The following LMF1 variants were observed in gnomAD, a reference collection of about 807,000 sequenced individuals.
LMF1 encodes the protein lipase maturation factor 1, also known as transmembrane protein 112.
Under a neutral mutation model 60.6 loss-of-function variants are expected in LMF1, and 68 were observed. That is an observed-to-expected ratio of 1.12 (90% CI 0.92 to 1.37). The LOEUF is 1.37. Ranked by LOEUF, LMF1 falls within the 40% of genes most tolerant of loss-of-function variation. The pLI, the probability that LMF1 is intolerant of heterozygous loss-of-function variation, is 0.00. For synonymous variants in LMF1, 418 were observed against 324.7 expected (o/e 1.29, Z -3.09); for missense variants, 948 against 767.2 (o/e 1.24, Z -2.78).
chr16:871,442 C>T (rs2069790841), intron 6 of LMF1, 101 bp from the exon 7 acceptor site: 1 of 1,192,128 alleles, frequency 8.4e-7, no homozygotes, highest in Non-Finnish European at 1.2e-6. Flanking sequence ...AGGGAACCTG[C>T]ACCCAGCTCT....
chr16:893,428 C>G, intron 4 of LMF1: 1 of 463,624 alleles, frequency 2.2e-6, no homozygotes, highest in Non-Finnish European at 4.3e-6. Context: ...ACCCCACGGA[C>G]AGTGTCAGAG....
At chr16:892,473 G>T (rs1368106460) in intron 5 of LMF1, among the ~76,000 whole-genome samples, 1 of 152,202 alleles carries the variant, frequency 6.6e-6, no homozygotes, top group African/African-American at 2.4e-5. Context: ...GCCCCCATGT[G>T]AACACGTGAG....
At position 897,682 on chromosome 16, in the gene LMF1, C is replaced by T. The variant is rs80013557; in HGVS notation, c.664-4610G>A. 0.018 allele frequency among the ~76,000 whole-genome samples: 2,670 copies of T among 152,260 alleles called. 55 individuals carry two copies. The highest frequency in any genetic ancestry group is 0.1 in the East Asian group (515 of 5,166). On this transcript the variant is annotated intron_variant, in intron 4 of 10. Transcript: ENST00000262301. The surrounding 1 kb of genome is among the most constrained non-coding windows in gnomAD (Gnocchi z 4.3). ...CTGAGAGCTGGGGGTGGGTGGAAAC[C>T]GTGTCTCAGGGTGAAGGGACCGCTG...
At chr16:879,413 G>A (rs2070093708) in intron 6 of LMF1, among the ~76,000 whole-genome samples, 157 bp downstream of exon 6, 2 of 152,164 alleles carry the variant, frequency 1.3e-5, no homozygotes, top group East Asian at 1.9e-4. Flanking sequence ...GCTGCAGTGG[G>A]GCCCGTGACA....
At chr16:926,505 C>CAT (rs145989837) in intron 3 of LMF1, among the ~76,000 whole-genome samples, 1,859 of 152,362 alleles carry the variant, frequency 0.012, 23 homozygotes, top group South Asian at 0.096. Context: ...TGTGTTTGCA[C>CAT]GTCTGTGTTT....
upstream of LMF1, chr16:981,444 G>A (rs545092337): frequency 6.8e-6 from 2 of 295,880 alleles, no homozygotes; most frequent in East Asian, 1.3e-4. Flanking sequence ...GACGGGGGGC[G>A]GACTCTCAGG....
intron 4 of LMF1, 77 bp from the exon 5 acceptor site, chr16:893,149 G>T: frequency 7.7e-7 from 1 of 1,296,702 alleles, no homozygotes; most frequent in Non-Finnish European, 1.1e-6. Flanking sequence ...CAGCTTCCCA[G>T]GAAGACGAAC....
chr16:934,679 G>A (rs933749858), intron 2 of LMF1, among the ~76,000 whole-genome samples: 10 of 152,368 alleles, frequency 6.6e-5, no homozygotes, highest in African/African-American at 2.2e-4. Context: ...GGAAAGGCTG[G>A]GCAAGGCCTG....
Position 868,950 on chromosome 16 carries a change from G to A in LMF1, c.1523C>T (p.Pro508Leu), listed in dbSNP as rs372213215. Residue 508 changes from proline (P) to leucine (L), a missense_variant, in exon 10 of 11, where the codon CCG becomes CTG. Physicochemically the swap from Pro to Leu is moderately conservative, Grantham distance 98. Transcript: ENST00000262301. Reference protein sequence around the residue: ...LAHNPFAGRPPPRWVRGEHYR... With the variant: ...LAHNPFAGRPLPRWVRGEHYR... ...GGCAGGGAGGGCATCCTACCTGGGCGGGGGCCTGCCCGCGAAGGGGTTGTG... is the reference window on the plus strand; with the variant it reads ...GGCAGGGAGGGCATCCTACCTGGGCAGGGGCCTGCCCGCGAAGGGGTTGTG... 29 of 1,606,800 alleles carry A rather than the reference G, an allele frequency of 1.8e-5. No individual in the cohort carries two copies. Among genetic ancestry groups the A allele is most frequent in the Middle Eastern group, 1.8e-4 (1 of 5,490 alleles).
intron 4 of LMF1, among the ~76,000 whole-genome samples, chr16:908,527 A>G (rs1021972144): frequency 2.0e-5 from 3 of 152,114 alleles, no homozygotes; most frequent in African/African-American, 7.2e-5. Context: ...CAGAGATGGG[A>G]AGGCCCTGGC....
intron 5 of LMF1, among the ~76,000 whole-genome samples, chr16:887,623 C>G (rs113559042): frequency 0.01 from 1,572 of 152,274 alleles, 20 homozygotes; most frequent in African/African-American, 0.036. Context: ...ACTCTGGGAG[C>G]CCAGCCCAGA....
rs943713560 is a variant in LMF1, at chr16:897,554, G to A, written c.664-4482C>T. On this transcript the variant is annotated intron_variant, in intron 4 of 10. Coordinates refer to ENST00000262301, the MANE Select transcript of LMF1 (RefSeq NM_022773.4). The surrounding 1 kb of genome is among the most constrained non-coding windows in gnomAD (Gnocchi z 4.3). ...CCTGCCTCCGCAGGAGAGACTCAAA[G>A]GGGAGAGCTTTGTCCTGGAGTCAGG... 1.3e-5 allele frequency among the ~76,000 whole-genome samples: 2 copies of A among 152,246 alleles called. No individual in the cohort carries two copies. The highest frequency in any genetic ancestry group is 1.3e-4 in the Admixed American group (2 of 15,286).
At position 918,833 on chromosome 16, in the gene LMF1, G is replaced by A. The variant is rs1183613210; in HGVS notation, c.515-7754C>T. The stretch of plus-strand genomic sequence containing the variant: ...CGCACCCCGACTCTCACGCGGGGCC[G>A]GCATCCCGGGGCGCACCCCGACTCT... On this transcript the variant is annotated intron_variant, in intron 3 of 10. Transcript: ENST00000262301. Among the ~76,000 whole-genome samples, 5 of 151,488 alleles carry A rather than the reference G, an allele frequency of 3.3e-5. No individual in the cohort carries two copies. The East Asian group carries it at 9.7e-4, about 29-fold the overall frequency.
At position 897,847 on chromosome 16, in the gene LMF1, C is replaced by A. The variant is rs1350258084; in HGVS notation, c.664-4775G>T. Among the ~76,000 whole-genome samples, 1 of 152,224 alleles carries A rather than the reference C, an allele frequency of 6.6e-6. No homozygotes were observed. Among genetic ancestry groups the A allele is most frequent in the Non-Finnish European group, 1.5e-5 (1 of 68,032 alleles). On this transcript the variant is annotated intron_variant, in intron 4 of 10. Transcript: ENST00000262301. The surrounding 1 kb of genome is among the most constrained non-coding windows in gnomAD (Gnocchi z 4.3). ...CTTTCCTGTCTTCCTGGGATGGTTT[C>A]CGCACTTTCTTGCCCTCATGCAAGA...
At chr16:906,706 T>C (rs896639171) in intron 4 of LMF1, among the ~76,000 whole-genome samples, 1 of 152,222 alleles carries the variant, frequency 6.6e-6, no homozygotes. Context: ...ATTACGATCA[T>C]TTTTCAGTAA....
intron 3 of LMF1, among the ~76,000 whole-genome samples, chr16:915,400 A>G (rs1237576943): frequency 1.3e-5 from 2 of 152,208 alleles, no homozygotes; most frequent in Admixed American, 1.3e-4. Context: ...CTGCTCCCCA[A>G]ATAAAACCCA....
At chr16:855,462 C>T in intron 10 of LMF1, 1 of 356,214 alleles carries the variant, frequency 2.8e-6, no homozygotes, top group Non-Finnish European at 5.5e-6. Context: ...CAAGCCCTCA[C>T]TGGACTCTCG....
rs534359440 is a variant in LMF1, at chr16:977,468, G to A, written c.-135+3677C>T. 1.5e-4 allele frequency among the ~76,000 whole-genome samples: 23 copies of A among 152,338 alleles called. No homozygotes were observed. In the South Asian group the frequency reaches 2.1e-3, roughly 14 times the overall value. ...TCACTCTGTCTCTGCCAGACCAGCC[G>A]TCATTAAAAGCACCAATTAATCTCC... On this transcript the variant is annotated intron_variant, in intron 1 of 6. Transcript: ENST00000570014.
intron 6 of LMF1, chr16:872,102 T>G (rs1461817231): frequency 2.0e-5 from 3 of 152,184 alleles, no homozygotes; most frequent in Admixed American, 6.5e-5. Flanking sequence ...ATATCACAGG[T>G]GTGCTGCCAG....
Sources: allele counts gnomAD v4.1 joint callset (sites outside exome capture counted in the v4.1 genomes callset), GRCh38; gene constraint gnomAD v4.1.1; non-coding constraint Gnocchi (gnomAD v3.1); transcripts MANE v1.5; gene names NCBI Gene and HGNC (gene_info 2026-07-23, HGNC 2026-07-21).